Variants in COL5A2 observed in about 807,000 individuals in gnomAD.
COL5A2 encodes collagen type V alpha 2 chain.
Under a neutral mutation model 208.2 loss-of-function variants are expected in COL5A2, and 23 were observed. The observed-to-expected ratio is 0.11, with a 90% CI of 0.08 to 0.16. The LOEUF (loss-of-function observed/expected upper bound fraction) is 0.16, where lower values mean the gene tolerates loss of function less well. COL5A2 is among the 10% of genes least tolerant of loss of function. COL5A2 has a pLI of 1.00. For synonymous variants in COL5A2, 625 were observed against 628.5 expected (o/e 0.99, Z 0.08); for missense variants, 1,590 against 1,956.4 (o/e 0.81, Z 3.53).
intron 1 of COL5A2, among the ~76,000 whole-genome samples, chr2:189,137,101 T>C (rs1207569666): frequency 1.3e-5 from 2 of 152,204 alleles, no homozygotes; most frequent in Non-Finnish European, 2.9e-5. Context: ...GTTTTCTTCG[T>C]TCGTGTTTAT....
At chr2:189,177,550 C>A (rs1303462513) in intron 1 of COL5A2, among the ~76,000 whole-genome samples, 1 of 152,128 alleles carries the variant, frequency 6.6e-6, no homozygotes, top group Non-Finnish European at 1.5e-5. Context: ...CACTTATATT[C>A]TCTTAAGTTG....
At chr2:189,422,557 A>C in the COL5A2 span, among the ~76,000 whole-genome samples, 1 of 152,238 alleles carries the variant, frequency 6.6e-6, no homozygotes, top group Non-Finnish European at 1.5e-5. Flanking sequence ...AACTGAACCT[A>C]ATGGACATAT....
chr2:189,097,205 G>T, intron 6 of COL5A2, 72 bp downstream of exon 6: 2 of 1,429,748 alleles, frequency 1.4e-6, no homozygotes, highest in Non-Finnish European at 2.0e-6. Flanking sequence ...CCAGCTTCTT[G>T]CTGCATTCAG....
At chr2:189,319,345 C>T in the COL5A2 span, among the ~76,000 whole-genome samples, 38 of 152,320 alleles carry the variant, frequency 2.5e-4, no homozygotes, top group African/African-American at 7.9e-4. Context: ...GCGCACCAAG[C>T]GTGAGCCGAA....
chr2:189,066,268 C>G, intron 23 of COL5A2, 122 bp downstream of exon 23: 3 of 927,182 alleles, frequency 3.2e-6, no homozygotes, highest in Non-Finnish European at 5.3e-6. Flanking sequence ...CATAACTGTA[C>G]TGAACTGTGC....
intron 46 of COL5A2, 126 bp downstream of exon 46, chr2:189,045,674 A>G: frequency 1.3e-6 from 1 of 787,554 alleles, no homozygotes; most frequent in East Asian, 2.6e-5. Flanking sequence ...TTAGCTGTTT[A>G]CCATTCATTA....
chr2:189,295,721 A>G, the COL5A2 span, among the ~76,000 whole-genome samples: 4 of 152,250 alleles, frequency 2.6e-5, no homozygotes, highest in Non-Finnish European at 4.4e-5. Context: ...ACATGGATAC[A>G]AATTCTGGTT....
intron 50 of COL5A2, 97 bp downstream of exon 50, chr2:189,041,489 A>T: frequency 1.0e-6 from 1 of 961,902 alleles, no homozygotes; most frequent in African/African-American, 1.6e-5. Flanking sequence ...GGGGTCCCTT[A>T]AGTCTCTTGT....
chr2:189,121,075 C>A (rs1453704074), intron 1 of COL5A2, among the ~76,000 whole-genome samples: 2 of 151,350 alleles, frequency 1.3e-5, no homozygotes, highest in African/African-American at 4.9e-5. Context: ...TCTTTAAATA[C>A]AAAATTATAG....
At chr2:189,369,029 C>G in the COL5A2 span, among the ~76,000 whole-genome samples, 1 of 152,142 alleles carries the variant, frequency 6.6e-6, no homozygotes, top group East Asian at 1.9e-4. Flanking sequence ...CCTGCTTCAG[C>G]TGCTTACAAG....
chr2:189,433,334 A>G, the COL5A2 span, among the ~76,000 whole-genome samples: 71 of 152,362 alleles, frequency 4.7e-4, 1 homozygote, highest in African/African-American at 1.7e-3. Flanking sequence ...CTAAGATCAG[A>G]GCAGAACTGA....
At chr2:189,386,257 A>G in the COL5A2 span, among the ~76,000 whole-genome samples, 2 of 152,152 alleles carry the variant, frequency 1.3e-5, no homozygotes, top group Admixed American at 6.6e-5. Context: ...ATGGTGCAGG[A>G]ATAACTGGCT....
At chr2:189,076,917 CA>C (rs1000084966) in intron 16 of COL5A2, among the ~76,000 whole-genome samples, 1 of 151,492 alleles carries the variant, frequency 6.6e-6, no homozygotes, top group African/African-American at 2.4e-5. Context: ...CCTGTCTCTA[CA>C]AAAAAAATTA....
At chr2:189,194,052 A>G (rs1409730531) in intron 1 of COL5A2, among the ~76,000 whole-genome samples, 1 of 152,198 alleles carries the variant, frequency 6.6e-6, no homozygotes, top group Non-Finnish European at 1.5e-5. Context: ...GTTATTTTAA[A>G]TAAGTTAATA....
intron 34 of COL5A2, 101 bp downstream of exon 34, chr2:189,057,219 C>T: frequency 2.0e-6 from 2 of 1,019,894 alleles, no homozygotes; most frequent in Non-Finnish European, 2.9e-6. Context: ...ACTAGTGACT[C>T]AGGATGGTAG....
chr2:189,307,490 A>G, the COL5A2 span, among the ~76,000 whole-genome samples: 4 of 152,180 alleles, frequency 2.6e-5, no homozygotes, highest in African/African-American at 4.8e-5. Context: ...CTACCACTGC[A>G]CATTTTTAAA....
At chr2:189,142,353 C>T (rs569046701) in intron 1 of COL5A2, among the ~76,000 whole-genome samples, 6 of 152,032 alleles carry the variant, frequency 3.9e-5, no homozygotes, top group South Asian at 2.1e-4. Context: ...AGCCAACTAG[C>T]TCACCATAAT....
At chr2:189,315,119 A>G in the COL5A2 span, among the ~76,000 whole-genome samples, 5 of 152,210 alleles carry the variant, frequency 3.3e-5, no homozygotes, top group African/African-American at 1.2e-4. Context: ...TGGGAGAGAT[A>G]CAACAAAAAA....
chr2:189,068,530 T>TA (rs566002790), intron 19 of COL5A2, among the ~76,000 whole-genome samples: 31 of 152,292 alleles, frequency 2.0e-4, no homozygotes, highest in Non-Finnish European at 3.4e-4. Flanking sequence ...TATTAAATTT[T>TA]ATATTTCAAA....
Sources: allele counts gnomAD v4.1 joint callset (sites outside exome capture counted in the v4.1 genomes callset), GRCh38; gene constraint gnomAD v4.1.1; transcripts MANE v1.5; gene names NCBI Gene and HGNC (gene_info 2026-07-23, HGNC 2026-07-21).